DOCK2: variants seen among roughly 807,000 people sequenced by gnomAD.
DOCK2 encodes dedicator of cytokinesis protein 2.
A neutral mutation model predicts 248.9 loss-of-function variants in DOCK2; 87 were observed. That is an observed-to-expected ratio of 0.35 (90% CI 0.29 to 0.42). The LOEUF (loss-of-function observed/expected upper bound fraction) is 0.42. DOCK2 is among the 10% of genes least tolerant of loss of function. The probability of loss-of-function intolerance (pLI) is 1.00; values close to 1 mark genes in which losing one functional copy is unlikely to be tolerated. For missense variants in DOCK2, 1,747 were observed against 2,300.2 expected (o/e 0.76, Z 4.92); for synonymous variants, 805 against 821.6 (o/e 0.98, Z 0.35).
At chr5:170,072,814 C>A (rs1436886381) in intron 46 of DOCK2, among the ~76,000 whole-genome samples, 2 of 152,110 alleles carry the variant, frequency 1.3e-5, no homozygotes, top group African/African-American at 4.8e-5. Context: ...AATTGGATTA[C>A]CCTTTTGTGA....
intron 27 of DOCK2, among the ~76,000 whole-genome samples, chr5:169,947,834 A>C (rs1276611123): frequency 6.6e-6 from 1 of 151,846 alleles, no homozygotes; most frequent in African/African-American, 2.4e-5. Context: ...AAATACATAC[A>C]GCATAAATAC....
intron 26 of DOCK2, among the ~76,000 whole-genome samples, chr5:169,826,777 A>G (rs688881): frequency 0.31 from 47,148 of 151,884 alleles, 9,841 homozygotes; most frequent in African/African-American, 0.6. Context: ...ACTATGTTGC[A>G]TGTTTCTCCC....
chr5:169,995,042 T>A (rs1244490577), intron 29 of DOCK2, among the ~76,000 whole-genome samples: 5 of 151,640 alleles, frequency 3.3e-5, no homozygotes, highest in South Asian at 4.2e-4. Flanking sequence ...TTTTTTTTTT[T>A]TTTTTTGAGA....
At chr5:169,938,453 G>A (rs1275143904) in intron 27 of DOCK2, among the ~76,000 whole-genome samples, 2 of 152,190 alleles carry the variant, frequency 1.3e-5, no homozygotes, top group African/African-American at 4.8e-5. Context: ...AACCTGTATA[G>A]CATGTTACTC....
chr5:169,907,447 A>C (rs1187483133), intron 27 of DOCK2, among the ~76,000 whole-genome samples: 1 of 152,202 alleles, frequency 6.6e-6, no homozygotes, highest in East Asian at 1.9e-4. Flanking sequence ...GCAGAGAAGC[A>C]GCTAAAATCT....
intron 27 of DOCK2, among the ~76,000 whole-genome samples, chr5:169,903,661 G>A (rs1774093047): frequency 6.6e-6 from 1 of 152,158 alleles, no homozygotes; most frequent in Non-Finnish European, 1.5e-5. Flanking sequence ...GGAACTGATA[G>A]AAGTTCAGAC....
intron 27 of DOCK2, among the ~76,000 whole-genome samples, chr5:169,949,454 G>A (rs1436975916): frequency 6.6e-6 from 1 of 152,092 alleles, no homozygotes; most frequent in African/African-American, 2.4e-5. Context: ...GCCCAGTTTG[G>A]CTGAAGGGAA....
intron 27 of DOCK2, among the ~76,000 whole-genome samples, chr5:169,858,342 T>C (rs1421253124): frequency 1.3e-5 from 2 of 152,038 alleles, no homozygotes; most frequent in Non-Finnish European, 2.9e-5. Flanking sequence ...CTGGGCTGAG[T>C]TGGTGGTAGC....
chr5:169,931,955 T>G (rs1484545923), intron 27 of DOCK2, among the ~76,000 whole-genome samples: 1 of 152,184 alleles, frequency 6.6e-6, no homozygotes, highest in African/African-American at 2.4e-5. Context: ...AACAAATACC[T>G]CTGGAGCCTG....
intron 28 of DOCK2, among the ~76,000 whole-genome samples, chr5:169,984,275 G>A (rs898364562): frequency 6.6e-6 from 1 of 152,100 alleles, no homozygotes; most frequent in Non-Finnish European, 1.5e-5. Context: ...TGAGCCAGGA[G>A]CCTTCTTCAT....
At chr5:170,057,041 A>G (rs1757156618) in intron 43 of DOCK2, 1 of 450,890 alleles carries the variant, frequency 2.2e-6, no homozygotes, top group Admixed American at 3.8e-5. Context: ...AGCACGTAGA[A>G]ACCCTCAGGC....
intron 44 of DOCK2, among the ~76,000 whole-genome samples, chr5:170,064,780 T>C (rs1757437078): frequency 6.6e-6 from 1 of 152,042 alleles, no homozygotes. Flanking sequence ...ACAAATCAGA[T>C]AAATCCAAAG....
chr5:170,018,094 G>A (rs889838958), intron 32 of DOCK2, among the ~76,000 whole-genome samples: 3 of 152,124 alleles, frequency 2.0e-5, no homozygotes, highest in African/African-American at 7.2e-5. Flanking sequence ...CAAACGATTC[G>A]ACATATAAAG....
chr5:169,886,130 C>T (rs1772955015), intron 27 of DOCK2, among the ~76,000 whole-genome samples: 1 of 152,170 alleles, frequency 6.6e-6, no homozygotes, highest in Admixed American at 6.5e-5. Context: ...AAAAACCCCT[C>T]TTTTTCTTTA....
chr5:169,681,012 A>G (rs1759627583), intron 6 of DOCK2, among the ~76,000 whole-genome samples: 1 of 150,586 alleles, frequency 6.6e-6, no homozygotes, highest in Non-Finnish European at 1.5e-5. Flanking sequence ...GAAATATATT[A>G]TTAAACATAG....
chr5:169,818,285 C>G (rs1324629719), intron 26 of DOCK2, among the ~76,000 whole-genome samples: 1 of 152,190 alleles, frequency 6.6e-6, no homozygotes, highest in African/African-American at 2.4e-5. Flanking sequence ...GGATAGTAAC[C>G]CCTATGAGCA....
At chr5:169,920,419 A>C (rs956537308) in intron 27 of DOCK2, among the ~76,000 whole-genome samples, 2 of 152,216 alleles carry the variant, frequency 1.3e-5, no homozygotes, top group African/African-American at 4.8e-5. Flanking sequence ...AGTATTCCAG[A>C]AAGTAGGTGG....
At chr5:169,955,172 G>A (rs1391297700) in intron 27 of DOCK2, among the ~76,000 whole-genome samples, 10 of 152,204 alleles carry the variant, frequency 6.6e-5, no homozygotes, top group Admixed American at 5.9e-4. Flanking sequence ...GGAGGATGAC[G>A]AGATCGCCAG....
intron 27 of DOCK2, among the ~76,000 whole-genome samples, chr5:169,982,377 G>T (rs1419469479): frequency 6.6e-6 from 1 of 152,216 alleles, no homozygotes; most frequent in Admixed American, 6.5e-5. Flanking sequence ...GTGCATGAAA[G>T]GGTGTGGTTC....
Sources: allele counts gnomAD v4.1 joint callset (sites outside exome capture counted in the v4.1 genomes callset), GRCh38; gene constraint gnomAD v4.1.1; transcripts MANE v1.5; gene names NCBI Gene and HGNC (gene_info 2026-07-23, HGNC 2026-07-21).